The following CNTN5 variants were observed in gnomAD, a reference collection of about 807,000 sequenced individuals.
CNTN5 encodes contactin 5, also known as contactin-5.
Under a neutral mutation model 129.1 loss-of-function variants are expected in CNTN5, and 77 were observed. The observed-to-expected ratio is 0.60, with a 90% CI of 0.50 to 0.72. The LOEUF (loss-of-function observed/expected upper bound fraction) is 0.72. Among genes scored for constraint, CNTN5 ranks in the 30% least tolerant of loss-of-function variants. CNTN5 has a pLI of 0.00. For synonymous variants in CNTN5, 509 were observed against 465.6 expected, an observed-to-expected ratio of 1.09 and a Z score of -1.20; for missense variants, 1,478 against 1,328.8, an observed-to-expected ratio of 1.11 and a Z score of -1.75.
intron 4 of CNTN5, among the ~76,000 whole-genome samples, chr11:99,830,127 G>A (rs781679988): frequency 6.6e-6 from 1 of 152,032 alleles, no homozygotes; most frequent in African/African-American, 2.4e-5. Flanking sequence ...TTTTTCGGGG[G>A]CGGGGAGCAT....
intron 18 of CNTN5, among the ~76,000 whole-genome samples, chr11:100,296,426 C>T (rs372092502): frequency 5.3e-4 from 80 of 151,514 alleles, no homozygotes; most frequent in African/African-American, 1.7e-3. Flanking sequence ...TGAGGGAATC[C>T]GTGAGATGAA....
intron 3 of CNTN5, among the ~76,000 whole-genome samples, chr11:99,694,817 A>G (rs909369903): frequency 1.3e-5 from 2 of 152,064 alleles, no homozygotes; most frequent in African/African-American, 2.4e-5. Flanking sequence ...AGTATCTAAT[A>G]TATGTTAAAC....
chr11:99,542,002 G>A (rs1055686400), intron 2 of CNTN5, among the ~76,000 whole-genome samples: 1 of 150,594 alleles, frequency 6.6e-6, no homozygotes, highest in Non-Finnish European at 1.5e-5. Flanking sequence ...AAGAAATGTG[G>A]GGACAAATAT....
At chr11:99,639,893 A>T (rs1203199834) in intron 3 of CNTN5, among the ~76,000 whole-genome samples, 1 of 152,048 alleles carries the variant, frequency 6.6e-6, no homozygotes, top group Non-Finnish European at 1.5e-5. Flanking sequence ...TTTGTTGCTT[A>T]GAAATTTCTT....
chr11:99,956,480 G>T (rs1310263273), intron 7 of CNTN5, among the ~76,000 whole-genome samples: 1 of 151,904 alleles, frequency 6.6e-6, no homozygotes, highest in Non-Finnish European at 1.5e-5. Context: ...TCATTAAATT[G>T]ATCTTTGAGA....
At chr11:99,599,759 C>T (rs1004535613) in intron 3 of CNTN5, among the ~76,000 whole-genome samples, 1 of 152,092 alleles carries the variant, frequency 6.6e-6, no homozygotes, top group Non-Finnish European at 1.5e-5. Context: ...ATGTTTACAA[C>T]ATATTGAATG....
chr11:100,147,425 C>T (rs1322614615), intron 13 of CNTN5, among the ~76,000 whole-genome samples: 1 of 151,996 alleles, frequency 6.6e-6, no homozygotes, highest in East Asian at 1.9e-4. Context: ...TCTCATGTCT[C>T]ATGGTATCTT....
chr11:99,448,773 T>TTATTTTATTTTATTTTATTTTATTG (rs1944179254), intron 2 of CNTN5, among the ~76,000 whole-genome samples: 1 of 149,302 alleles, frequency 6.7e-6, no homozygotes, highest in African/African-American at 2.5e-5. Context: ...TTATTTTATT[T>TTATTTTATTTTATTTTATTTTATTG]TATTTTATTT....
At chr11:100,255,371 GA>G (rs36106152) in intron 16 of CNTN5, among the ~76,000 whole-genome samples, 47,216 of 151,656 alleles carry the variant, frequency 0.31, 7,453 homozygotes, top group Middle Eastern at 0.36. Context: ...GTAAGGATGA[GA>G]TTTTTTTTTT....
rs370012927 is a variant in CNTN5 at position 99,957,080 on chromosome 11, T to G, written c.877+71T>G. ...AAAATAAAGATGTATTAGTGTGTGT[T>G]TTTTTTTTAAGACCTGGAACTTACA... is the stretch of plus-strand genomic sequence containing the variant. On this transcript the variant is annotated intron_variant, in intron 8 of 24. Coordinates refer to ENST00000524871, the MANE Select transcript of CNTN5 (RefSeq NM_014361.4). The G allele has an allele frequency of 3.4e-4, 441 of 1,301,756 alleles. 2 individuals are homozygous for G. The African/African-American group carries it at 6.1e-3, about 18-fold the overall frequency. The allele number at this position is 1,301,756 out of a possible 1,614,324, so 80.6% of individuals were successfully genotyped here.
intron 13 of CNTN5, among the ~76,000 whole-genome samples, chr11:100,133,440 C>T (rs868831635): frequency 1.4e-4 from 22 of 152,080 alleles, no homozygotes; most frequent in Non-Finnish European, 2.2e-4. Flanking sequence ...AGATTCTGCA[C>T]GCATAACACC....
At chr11:99,480,954 C>A (rs1364404167) in intron 2 of CNTN5, among the ~76,000 whole-genome samples, 1 of 152,002 alleles carries the variant, frequency 6.6e-6, no homozygotes, top group Non-Finnish European at 1.5e-5. Flanking sequence ...CTAAGATAAC[C>A]ACGAAATTCA....
intron 2 of CNTN5, among the ~76,000 whole-genome samples, chr11:99,332,922 A>G (rs1285395210): frequency 6.6e-6 from 1 of 152,072 alleles, no homozygotes; most frequent in Non-Finnish European, 1.5e-5. Flanking sequence ...ACTTAGCGCA[A>G]CCGTATTTCT....
At chr11:99,436,516 C>G (rs927569601) in intron 2 of CNTN5, among the ~76,000 whole-genome samples, 1 of 152,028 alleles carries the variant, frequency 6.6e-6, no homozygotes, top group Non-Finnish European at 1.5e-5. Context: ...GTACAGTTTC[C>G]CCATCTTGTA....
intron 1 of CNTN5, among the ~76,000 whole-genome samples, chr11:99,224,584 C>T (rs1860573460): frequency 6.6e-6 from 1 of 151,544 alleles, no homozygotes; most frequent in African/African-American, 2.4e-5. Flanking sequence ...ACTCATTGTG[C>T]CAGCTGGTGA....
intron 13 of CNTN5, among the ~76,000 whole-genome samples, chr11:100,140,928 G>T (rs1290845429): frequency 6.6e-6 from 1 of 152,170 alleles, no homozygotes; most frequent in Non-Finnish European, 1.5e-5. Flanking sequence ...TGAGAAGCAA[G>T]AAAGTCCCCC....
At chr11:100,270,851 G>A (rs77768062) in intron 17 of CNTN5, among the ~76,000 whole-genome samples, 5 of 152,296 alleles carry the variant, frequency 3.3e-5, no homozygotes, top group East Asian at 3.9e-4. Context: ...GGTGAGGTTT[G>A]TGTAAAGATA....
intron 9 of CNTN5, among the ~76,000 whole-genome samples, chr11:100,013,540 A>G (rs770576): frequency 0.056 from 8,569 of 152,206 alleles, 679 homozygotes; most frequent in African/African-American, 0.17. Flanking sequence ...GATGGTTTCC[A>G]TATCACACTC....
At chr11:99,275,727 C>T (rs563670089) in intron 1 of CNTN5, among the ~76,000 whole-genome samples, 1 of 151,676 alleles carries the variant, frequency 6.6e-6, no homozygotes, top group East Asian at 2.0e-4. Context: ...TGTCATCACT[C>T]AGCAGGTTAG....
Sources: gnomAD v4.1 joint callset for allele counts (sites outside exome capture counted in the v4.1 genomes callset) on GRCh38, gnomAD v4.1.1 for gene constraint, MANE v1.5 for transcripts, NCBI Gene and HGNC (gene_info 2026-07-23, HGNC 2026-07-21) for gene names.